CDH13: variants seen among roughly 807,000 people sequenced by gnomAD.
CDH13 encodes cadherin-13.
CDH13 carries 24 observed loss-of-function variants against 63.8 expected under a neutral mutation model. The ratio of observed to expected loss-of-function variants is 0.38; its 90% confidence interval spans 0.27 to 0.53. The LOEUF (loss-of-function observed/expected upper bound fraction) is 0.53, where lower values mean the gene tolerates loss of function less well. CDH13 is among the 20% of genes least tolerant of loss of function. The pLI, the probability that CDH13 is intolerant of heterozygous loss-of-function variation, is 0.85. For synonymous variants in CDH13, 503 were observed against 355.3 expected (o/e 1.42, Z -4.67); for missense variants, 1,049 against 903.1 (o/e 1.16, Z -2.07).
intron 7 of CDH13, among the ~76,000 whole-genome samples, chr16:83,508,615 C>G (rs1191866857): frequency 6.6e-6 from 1 of 152,156 alleles, no homozygotes; most frequent in African/African-American, 2.4e-5. Context: ...AGGACAACTT[C>G]GAGATATGTT....
At chr16:82,853,359 C>T (rs1163548314) in intron 1 of CDH13, among the ~76,000 whole-genome samples, 2 of 152,134 alleles carry the variant, frequency 1.3e-5, no homozygotes, top group Admixed American at 1.3e-4. Flanking sequence ...TCAATGTCTA[C>T]CCTGGAGAAT....
intron 1 of CDH13, among the ~76,000 whole-genome samples, chr16:82,830,701 T>A (rs2038496675): frequency 6.6e-6 from 1 of 152,214 alleles, no homozygotes; most frequent in Non-Finnish European, 1.5e-5. Flanking sequence ...TTCTAGCGCT[T>A]CATAGCTGTA....
At chr16:82,852,701 C>G (rs953376549) in intron 1 of CDH13, among the ~76,000 whole-genome samples, 3 of 152,122 alleles carry the variant, frequency 2.0e-5, no homozygotes, top group African/African-American at 7.2e-5. Context: ...CCTAGATGTC[C>G]AAGCAAGTGT....
intron 1 of CDH13, among the ~76,000 whole-genome samples, chr16:82,822,613 G>T (rs1010291996): frequency 2.1e-4 from 32 of 152,074 alleles, no homozygotes; most frequent in Admixed American, 2.1e-3. Context: ...TCCTGCCTTA[G>T]CCTTCTGAAT....
chr16:83,475,562 T>C (rs1442393824), intron 6 of CDH13, among the ~76,000 whole-genome samples: 1 of 152,152 alleles, frequency 6.6e-6, no homozygotes, highest in Non-Finnish European at 1.5e-5. Flanking sequence ...TAGCCTAATA[T>C]AGTCTATGTG....
At chr16:82,970,082 C>A (rs953710970) in intron 2 of CDH13, among the ~76,000 whole-genome samples, 1 of 152,132 alleles carries the variant, frequency 6.6e-6, no homozygotes, top group Non-Finnish European at 1.5e-5. Context: ...TGCTATCCCT[C>A]CCCTAGACCC....
At chr16:83,589,403 A>C in intron 7 of CDH13, among the ~76,000 whole-genome samples, 1 of 140,092 alleles carries the variant, frequency 7.1e-6, no homozygotes, top group East Asian at 2.1e-4. Flanking sequence ...TGCTTCCATC[A>C]CCCATCTACT....
chr16:83,006,341 C>T (rs964206418), intron 2 of CDH13, among the ~76,000 whole-genome samples: 2 of 152,184 alleles, frequency 1.3e-5, no homozygotes, highest in African/African-American at 2.4e-5. Context: ...GAGGCTTTCT[C>T]CCAGGTGCAT....
intron 5 of CDH13, among the ~76,000 whole-genome samples, chr16:83,221,470 C>A (rs752072954): frequency 1.9e-4 from 29 of 152,266 alleles, no homozygotes; most frequent in Non-Finnish European, 4.1e-4. Context: ...GATATGTGAA[C>A]TCTTCACTGG....
intron 1 of CDH13, among the ~76,000 whole-genome samples, chr16:82,856,439 C>T (rs1471384302): frequency 6.7e-6 from 1 of 148,814 alleles, no homozygotes; most frequent in East Asian, 2.0e-4. Context: ...CAGTGGCTCA[C>T]GCCTGTAGTC....
At chr16:83,681,620 C>G (rs979889013) in intron 10 of CDH13, among the ~76,000 whole-genome samples, 2 of 152,136 alleles carry the variant, frequency 1.3e-5, no homozygotes, top group African/African-American at 4.8e-5. Context: ...CCCCTCCACC[C>G]CTCTCCTCTC....
intron 4 of CDH13, among the ~76,000 whole-genome samples, chr16:83,174,973 C>T (rs930823679): frequency 3.9e-5 from 6 of 152,240 alleles, no homozygotes; most frequent in South Asian, 2.1e-4. Context: ...AACCAGGTCC[C>T]TCCCCTGACA....
intron 3 of CDH13, among the ~76,000 whole-genome samples, chr16:83,038,621 A>C (rs1917070939): frequency 6.6e-6 from 1 of 152,224 alleles, no homozygotes; most frequent in South Asian, 2.1e-4. Context: ...AACAAGGATG[A>C]AACGAAAAAC....
chr16:82,887,164 A>G (rs551014569), intron 2 of CDH13, among the ~76,000 whole-genome samples: 3 of 152,234 alleles, frequency 2.0e-5, no homozygotes, highest in South Asian at 2.1e-4. Context: ...ATCTTCACCA[A>G]TGGTCTAGGA....
intron 8 of CDH13, among the ~76,000 whole-genome samples, chr16:83,628,728 G>T (rs2150789493): frequency 6.6e-6 from 1 of 152,220 alleles, no homozygotes; most frequent in South Asian, 2.1e-4. Context: ...TTCTAGCTGG[G>T]CCCGTGTTAT....
chr16:83,164,268 G>C (rs2037566959), intron 4 of CDH13, among the ~76,000 whole-genome samples: 1 of 152,006 alleles, frequency 6.6e-6, no homozygotes, highest in African/African-American at 2.4e-5. Flanking sequence ...AGGTTGGACA[G>C]ATTCAATGTC....
At position 83,038,172 on chromosome 16, in the gene CDH13, T is replaced by G. The variant is rs141667021; in HGVS notation, c.366+5954T>G. On this transcript the variant is annotated intron_variant, in intron 3 of 13. Coordinates refer to ENST00000567109, the MANE Select transcript of CDH13 (RefSeq NM_001257.5). ...GAAAGATTCTCTAAGGCAAATATAA[T>G]CACAGTTAAGCCTATTTTAGCTGTG... is the stretch of plus-strand genomic sequence containing the variant. Among the ~76,000 whole-genome samples the G allele has an allele frequency of 1.2e-3, 190 of 152,314 alleles. 3 individuals carry two copies. The highest frequency in any genetic ancestry group is 4.4e-3 in the African/African-American group (182 of 41,566).
chr16:83,287,621 A>G (rs1311889813), intron 5 of CDH13, among the ~76,000 whole-genome samples: 1 of 152,216 alleles, frequency 6.6e-6, no homozygotes, highest in Non-Finnish European at 1.5e-5. Flanking sequence ...CTCTAGTTGC[A>G]GGAAACCAAG....
chr16:83,582,240 T>C (rs1358533255), intron 7 of CDH13, among the ~76,000 whole-genome samples: 4 of 152,224 alleles, frequency 2.6e-5, no homozygotes, highest in African/African-American at 4.8e-5. Context: ...TTGGTCTTGC[T>C]TTACGCAGAT....
Sources: allele counts gnomAD v4.1 joint callset (sites outside exome capture counted in the v4.1 genomes callset), GRCh38; gene constraint gnomAD v4.1.1; transcripts MANE v1.5; gene names NCBI Gene and HGNC (gene_info 2026-07-23, HGNC 2026-07-21).